Variants in PDE7B observed in about 807,000 individuals in gnomAD.
PDE7B encodes 3',5'-cyclic-AMP phosphodiesterase 7B.
In PDE7B, 29 loss-of-function variants were observed where a neutral mutation model predicts 56.2. The observed-to-expected ratio is 0.52, with a 90% confidence interval of 0.38 to 0.70. PDE7B has a LOEUF of 0.70. Ranked by LOEUF, PDE7B falls within the 30% of genes least tolerant of loss-of-function variation. PDE7B has a pLI of 0.00. For synonymous variants in PDE7B, 197 were observed against 196.9 expected, an observed-to-expected ratio of 1.00 and a Z score of 0.00; for missense variants, 490 against 565.0, an observed-to-expected ratio of 0.87 and a Z score of 1.35.
intron 2 of PDE7B, among the ~76,000 whole-genome samples, chr6:136,012,478 A>T (rs914506847): frequency 3.3e-5 from 5 of 152,220 alleles, no homozygotes; most frequent in African/African-American, 9.6e-5. Flanking sequence ...TAATACAACC[A>T]TTCACAAATA....
chr6:136,100,926 T>G (rs1201222627), intron 2 of PDE7B, among the ~76,000 whole-genome samples: 1 of 152,202 alleles, frequency 6.6e-6, no homozygotes, highest in Non-Finnish European at 1.5e-5. Flanking sequence ...CTCTTATTAT[T>G]TTGAGATGTG....
chr6:136,061,330 A>G (rs1240446737), intron 2 of PDE7B, among the ~76,000 whole-genome samples: 1 of 152,206 alleles, frequency 6.6e-6, no homozygotes, highest in Non-Finnish European at 1.5e-5. Context: ...ATAGTTTGGA[A>G]TTCTTATTGA....
intron 11 of PDE7B, among the ~76,000 whole-genome samples, chr6:136,183,572 G>A (rs1779101105): frequency 6.9e-6 from 1 of 145,808 alleles, no homozygotes; most frequent in South Asian, 2.2e-4. Flanking sequence ...CTCCAGCCTG[G>A]GTGACAGAGC....
chr6:135,924,617 C>CTTTTTTTTTTTTT (rs3037775), intron 1 of PDE7B, among the ~76,000 whole-genome samples: 1 of 49,582 alleles, frequency 2.0e-5, no homozygotes, highest in African/African-American at 1.0e-4. Flanking sequence ...CTCTCTCTCT[C>CTTTTTTTTTTTTT]TTTTTTTTTT....
intron 2 of PDE7B, among the ~76,000 whole-genome samples, chr6:136,089,076 G>A (rs1777340511): frequency 6.6e-6 from 1 of 151,822 alleles, no homozygotes; most frequent in South Asian, 2.1e-4. Context: ...ACTCTTCAGA[G>A]AACTTCAGTA....
intron 2 of PDE7B, among the ~76,000 whole-genome samples, chr6:136,006,833 A>G (rs1047134018): frequency 2.6e-5 from 4 of 152,194 alleles, no homozygotes; most frequent in Non-Finnish European, 5.9e-5. Flanking sequence ...GTTTTCCTAG[A>G]TAGAGAATCA....
intron 5 of PDE7B, 22 bp from the exon 6 acceptor site, chr6:136,151,137 AG>A (rs1206125037): frequency 1.5e-6 from 2 of 1,307,172 alleles, no homozygotes; most frequent in South Asian, 1.2e-5. Context: ...AATTAGTTAA[AG>A]GAAGTGACTG....
chr6:135,935,883 G>A (rs897728688), intron 1 of PDE7B, among the ~76,000 whole-genome samples: 2 of 152,154 alleles, frequency 1.3e-5, no homozygotes, highest in Non-Finnish European at 2.9e-5. Flanking sequence ...ATGTCTCAGC[G>A]CTGTCCATGT....
intron 1 of PDE7B, among the ~76,000 whole-genome samples, chr6:135,919,308 T>G (rs1774021192): frequency 6.6e-6 from 1 of 152,198 alleles, no homozygotes; most frequent in Admixed American, 6.5e-5. Context: ...AAGAGGCCTT[T>G]TAGGAGGCTT....
chr6:135,915,088 A>G (rs533588272), intron 1 of PDE7B, among the ~76,000 whole-genome samples: 1 of 150,188 alleles, frequency 6.7e-6, no homozygotes, highest in Admixed American at 6.6e-5. Flanking sequence ...GCGAGACTCC[A>G]TTAAAAAAAA....
chr6:136,031,841 CTAGTTT>C (rs1450330939), intron 2 of PDE7B, among the ~76,000 whole-genome samples: 1 of 151,038 alleles, frequency 6.6e-6, no homozygotes, highest in Non-Finnish European at 1.5e-5. Context: ...TATTAGTGGT[CTAGTTT>C]ATTTTTATTA....
At chr6:135,973,014 T>C (rs1775119683) in intron 2 of PDE7B, among the ~76,000 whole-genome samples, 1 of 152,142 alleles carries the variant, frequency 6.6e-6, no homozygotes, top group South Asian at 2.1e-4. Context: ...TTTTAACAAA[T>C]GTTTGAGTGT....
intron 2 of PDE7B, among the ~76,000 whole-genome samples, chr6:136,026,720 G>T (rs1292389547): frequency 1.3e-5 from 2 of 152,156 alleles, no homozygotes; most frequent in East Asian, 3.9e-4. Flanking sequence ...GGGGATTCTT[G>T]TCAGGATTCA....
chr6:135,963,968 T>G (rs775903100), intron 2 of PDE7B, among the ~76,000 whole-genome samples: 2 of 152,200 alleles, frequency 1.3e-5, no homozygotes, highest in Non-Finnish European at 2.9e-5. Context: ...CATCCTGTTG[T>G]AGAACTTTCC....
At chr6:136,042,062 T>C (rs1219281146) in intron 2 of PDE7B, among the ~76,000 whole-genome samples, 4 of 152,202 alleles carry the variant, frequency 2.6e-5, no homozygotes, top group Non-Finnish European at 5.9e-5. Context: ...AAAAATAGTA[T>C]TACCATGCAG....
chr6:135,989,456 A>T (rs1036977021), intron 2 of PDE7B, among the ~76,000 whole-genome samples: 4 of 152,120 alleles, frequency 2.6e-5, no homozygotes, highest in Non-Finnish European at 5.9e-5. Context: ...TCTACTAAAA[A>T]TACAAAAATT....
At chr6:135,921,504 A>T (rs1308576934) in intron 1 of PDE7B, among the ~76,000 whole-genome samples, 1 of 152,194 alleles carries the variant, frequency 6.6e-6, no homozygotes, top group East Asian at 1.9e-4. Flanking sequence ...AGCTGTTTCC[A>T]TTATGAGATG....
intron 3 of PDE7B, among the ~76,000 whole-genome samples, chr6:136,113,868 C>T (rs917152751): frequency 4.6e-5 from 7 of 152,188 alleles, no homozygotes; most frequent in African/African-American, 1.7e-4. Flanking sequence ...ATATAATCAG[C>T]AGCCTGAGTA....
intron 2 of PDE7B, among the ~76,000 whole-genome samples, chr6:136,039,982 T>C (rs964737462): frequency 1.3e-5 from 2 of 152,242 alleles, no homozygotes; most frequent in African/African-American, 4.8e-5. Flanking sequence ...TCTGTGGAGA[T>C]AGGTGTACAT....
Sources: allele counts gnomAD v4.1 joint callset (sites outside exome capture counted in the v4.1 genomes callset), GRCh38; gene constraint gnomAD v4.1.1; transcripts MANE v1.5; gene names NCBI Gene and HGNC (gene_info 2026-07-23, HGNC 2026-07-21).